Variants in ATP6V1C2 observed in about 807,000 individuals in gnomAD.
The protein encoded by ATP6V1C2 is V-type proton ATPase subunit C 2.
Under a neutral mutation model 56.8 loss-of-function variants are expected in ATP6V1C2, and 45 were observed. That is an observed-to-expected ratio of 0.79 (90% CI 0.62 to 1.02). ATP6V1C2 has a LOEUF of 1.02. Ranked by LOEUF, ATP6V1C2 falls within the 50% of genes least tolerant of loss-of-function variation. ATP6V1C2 has a pLI of 0.00. For synonymous variants in ATP6V1C2, 220 were observed against 201.3 expected, an observed-to-expected ratio of 1.09 and a Z score of -0.79; for missense variants, 463 against 519.7, an observed-to-expected ratio of 0.89 and a Z score of 1.06.
At chr2:10,758,205 T>C (rs1329850529) in intron 4 of ATP6V1C2, among the ~76,000 whole-genome samples, 1 of 152,192 alleles carries the variant, frequency 6.6e-6, no homozygotes, top group Non-Finnish European at 1.5e-5. Context: ...ACTACTTTTC[T>C]ACATAAACAA....
At chr2:10,734,545 G>A (rs4669614) in intron 3 of ATP6V1C2, among the ~76,000 whole-genome samples, 57,847 of 152,004 alleles carry the variant, frequency 0.38, 13,020 homozygotes, top group East Asian at 0.64. Context: ...TGGGCAGCCC[G>A]TTAGAGATCT....
intron 4 of ATP6V1C2, among the ~76,000 whole-genome samples, chr2:10,761,962 C>T (rs11691620): frequency 1.9e-4 from 29 of 152,346 alleles, no homozygotes; most frequent in African/African-American, 6.7e-4. Flanking sequence ...TGCAGCAAGG[C>T]TGTGTCCACT....
chr2:10,778,612 C>G lies in ATP6V1C2; in HGVS notation c.1004C>G (p.Ala335Gly). The G allele has an allele frequency of 6.2e-7, 1 of 1,614,212 alleles. No individual in the cohort carries two copies. Among genetic ancestry groups the G allele is most frequent in the Non-Finnish European group, 8.5e-7 (1 of 1,180,030 alleles). ...TGGCTCAAGGTGAACTTCAGTGAAGCCTTCATTGCCTGGATCCACATCAAG... is the reference window on the plus strand; with the variant it reads ...TGGCTCAAGGTGAACTTCAGTGAAGGCTTCATTGCCTGGATCCACATCAAG... ...LRWLKVNFSE[A>G]FIAWIHIKAL... is the part of the protein sequence containing the mutation. The change falls in exon 12 of 14, where the codon GCC becomes GGC. Residue 335 changes from alanine to glycine, a missense_variant. Ala to Gly is a moderately conservative substitution (Grantham distance 60). Transcript: ENST00000272238.
intron 12 of ATP6V1C2, among the ~76,000 whole-genome samples, chr2:10,779,563 G>C (rs1331072430): frequency 6.6e-6 from 1 of 150,968 alleles, no homozygotes. Context: ...GCATGGGCCT[G>C]TAGTACTGGC....
chr2:10,759,548 C>G (rs1663771537), intron 4 of ATP6V1C2, among the ~76,000 whole-genome samples: 1 of 152,146 alleles, frequency 6.6e-6, no homozygotes, highest in African/African-American at 2.4e-5. Flanking sequence ...TGGGTCATGG[C>G]CTGACCTCAT....
rs147839592 is a variant in ATP6V1C2 at position 10,772,397 on chromosome 2, C to A, written c.570-145C>A. 1.1e-3 allele frequency: 854 copies of A among 744,776 alleles called. 10 individuals carry two copies. In the African/African-American group the frequency reaches 0.013, roughly 12 times the overall value. 46.1% of individuals were successfully genotyped at this position (744,776 alleles called of 1,614,324 possible). On this transcript the variant is annotated intron_variant, in intron 7 of 13. Coordinates refer to ENST00000272238, the MANE Select transcript of ATP6V1C2 (RefSeq NM_001039362.2). ...GGGGATTCCCCATGGGAACAGCAGA[C>A]CTCAGGGGAGGTGAGGGCTCCCTCT... is the stretch of plus-strand genomic sequence containing the variant.
At chr2:10,724,836 C>CTAATTTTT (rs1661553416) in intron 2 of ATP6V1C2, among the ~76,000 whole-genome samples, 1 of 152,062 alleles carries the variant, frequency 6.6e-6, no homozygotes, top group East Asian at 1.9e-4. Context: ...CCATGCCTGG[C>CTAATTTTT]TAGTTTTTGT....
intron 3 of ATP6V1C2, among the ~76,000 whole-genome samples, chr2:10,727,411 C>G (rs1302913132): frequency 1.3e-5 from 2 of 149,360 alleles, no homozygotes; most frequent in Non-Finnish European, 3.0e-5. Flanking sequence ...AAAAAAATAG[C>G]TAGATGTGGT....
intron 6 of ATP6V1C2, among the ~76,000 whole-genome samples, chr2:10,771,141 G>A (rs1664574675): frequency 6.6e-6 from 1 of 152,242 alleles, no homozygotes; most frequent in African/African-American, 2.4e-5. Flanking sequence ...TGAGGAGGGT[G>A]TTTCCCATTG....
At chr2:10,750,796 G>A (rs771229945) in intron 3 of ATP6V1C2, among the ~76,000 whole-genome samples, 16 of 152,162 alleles carry the variant, frequency 1.1e-4, no homozygotes, top group African/African-American at 3.1e-4. Flanking sequence ...CCCACAGGTC[G>A]CTGTGAGGAT....
chr2:10,723,694 C>T (rs1422560031), intron 2 of ATP6V1C2, among the ~76,000 whole-genome samples: 1 of 151,670 alleles, frequency 6.6e-6, no homozygotes, highest in East Asian at 2.0e-4. Context: ...AAAAAAATAG[C>T]CAGGCATGGT....
At chr2:10,782,505 G>C (rs1665427781) in intron 13 of ATP6V1C2, 130 bp downstream of exon 13, 3 of 1,066,256 alleles carry the variant, frequency 2.8e-6, no homozygotes, top group Non-Finnish European at 1.3e-6. Flanking sequence ...TTTGAGACCA[G>C]CCTAGCCAAC....
chr2:10,737,857 C>T (rs372719845), intron 3 of ATP6V1C2, among the ~76,000 whole-genome samples: 72 of 152,238 alleles, frequency 4.7e-4, no homozygotes, highest in African/African-American at 1.6e-3. Context: ...CCAGGCCCAG[C>T]TATTTTTTAT....
chr2:10,752,083 CA>C (rs1350168726), intron 3 of ATP6V1C2, among the ~76,000 whole-genome samples: 2 of 151,790 alleles, frequency 1.3e-5, no homozygotes, highest in African/African-American at 4.8e-5. Flanking sequence ...ACAACAACAA[CA>C]AAAAAACCTT....
chr2:10,768,841 G>A (rs1279517070), intron 6 of ATP6V1C2, 31 bp downstream of exon 6: 5 of 1,583,384 alleles, frequency 3.2e-6, no homozygotes, highest in East Asian at 2.2e-5. Context: ...ACATCTGGCG[G>A]GGGCAGGTCC....
upstream of ATP6V1C2, among the ~76,000 whole-genome samples, chr2:10,721,224 A>G (rs1055090131): frequency 6.6e-6 from 1 of 151,792 alleles, no homozygotes; most frequent in Non-Finnish European, 1.5e-5. Context: ...GGAGTAGGTG[A>G]TTCCCCTGAG....
chr2:10,724,793 C>A (rs1308129981), intron 2 of ATP6V1C2, among the ~76,000 whole-genome samples: 1 of 151,838 alleles, frequency 6.6e-6, no homozygotes, highest in African/African-American at 2.4e-5. Context: ...CTGCCTCAGC[C>A]TCCCCAGTAG....
chr2:10,782,902 A>G (rs1409532104), intron 13 of ATP6V1C2, among the ~76,000 whole-genome samples: 1 of 149,454 alleles, frequency 6.7e-6, no homozygotes, highest in Non-Finnish European at 1.5e-5. Context: ...AATCCCAGCT[A>G]CTTGGGAGTC....
rs1243072056 is a variant in ATP6V1C2, at chr2:10,780,879, G to A, written c.1062-1364G>A. On this transcript the variant is annotated intron_variant, in intron 12 of 13. Transcript: ENST00000272238. This position sits in a 1 kb window ranked among gnomAD's most constrained non-coding sequence, Gnocchi z 4.1. Reference sequence around the variant, plus strand: ...CTGCCTCAGCCTCCCCTAGTAGCTGGGATTACAGGCGTGCACCACCACGCC... The same window carrying A: ...CTGCCTCAGCCTCCCCTAGTAGCTGAGATTACAGGCGTGCACCACCACGCC... Among the ~76,000 whole-genome samples the A allele has an allele frequency of 6.6e-6, 1 of 152,056 alleles. No homozygotes were observed. Among genetic ancestry groups the A allele is most frequent in the African/African-American group, 2.4e-5 (1 of 41,394 alleles).
Sources: allele counts gnomAD v4.1 joint callset (sites outside exome capture counted in the v4.1 genomes callset), GRCh38; gene constraint gnomAD v4.1.1; non-coding constraint Gnocchi (gnomAD v3.1); transcripts MANE v1.5; gene names NCBI Gene and HGNC (gene_info 2026-07-23, HGNC 2026-07-21).